Variants in RHPN2 observed in about 807,000 individuals in gnomAD.
The protein encoded by RHPN2 is rhophilin-2.
A neutral mutation model predicts 79.0 loss-of-function variants in RHPN2; 40 were observed. The observed-to-expected ratio is 0.51, with a 90% CI of 0.39 to 0.66. RHPN2 has a LOEUF of 0.66. Among genes scored for constraint, RHPN2 ranks in the 30% least tolerant of loss-of-function variants. The pLI, the probability that RHPN2 is intolerant of heterozygous loss-of-function variation, is 0.00. For synonymous variants in RHPN2, 285 were observed against 363.5 expected, an observed-to-expected ratio of 0.78 and a Z score of 2.46; for missense variants, 686 against 883.5, an observed-to-expected ratio of 0.78 and a Z score of 2.83.
chr19:32,995,528 A>T (rs1407398145), intron 11 of RHPN2, among the ~76,000 whole-genome samples: 1 of 152,096 alleles, frequency 6.6e-6, no homozygotes, highest in Non-Finnish European at 1.5e-5. Flanking sequence ...AAAGGATCCC[A>T]GGGCAGGCTG....
In RHPN2 at chr19:33,003,087, G is replaced by T. The variant is rs529444307; in HGVS notation, c.761-87C>A. 170 of 1,207,316 alleles carry T rather than the reference G, an allele frequency of 1.4e-4. No homozygotes were observed. The African/African-American group carries it at 2.4e-3, about 17-fold the overall frequency. 74.8% of individuals were successfully genotyped at this position (1,207,316 alleles called of 1,614,324 possible). ...TAGAGAAAGATAGGAGGCCGAGTGC[G>T]GTGGCTCATGCCCATAATCCCAACA... On this transcript the variant is annotated intron_variant, in intron 7 of 14. Transcript: ENST00000254260.
intron 14 of RHPN2, among the ~76,000 whole-genome samples, chr19:32,989,486 A>G (rs1293941666): frequency 6.6e-6 from 1 of 152,204 alleles, no homozygotes. Context: ...CTCCCAGGAC[A>G]TGGCTGACAC....
At chr19:33,014,534 G>A (rs1231293840) in intron 4 of RHPN2, among the ~76,000 whole-genome samples, 2 of 152,148 alleles carry the variant, frequency 1.3e-5, no homozygotes, top group East Asian at 2.0e-4. Flanking sequence ...TCGGACTCCT[G>A]GCCTCAGGTG....
intron 1 of RHPN2, among the ~76,000 whole-genome samples, chr19:33,063,194 C>T (rs1294030495): frequency 2.0e-5 from 3 of 152,070 alleles, no homozygotes; most frequent in South Asian, 4.1e-4. Context: ...CTGTCCCAAA[C>T]GCCACACATA....
At chr19:33,063,849 A>G (rs1423595434) in intron 1 of RHPN2, among the ~76,000 whole-genome samples, 1 of 56,432 alleles carries the variant, frequency 1.8e-5, no homozygotes, top group Non-Finnish European at 2.8e-5. Context: ...AGCCCCCGCC[A>G]AGTCTCCCGG....
In RHPN2 at chr19:33,002,315, C is replaced by T. The variant is rs139839345; in HGVS notation, c.1037G>A (p.Cys346Tyr). Residue 346 changes from cysteine to tyrosine, a missense_variant, in exon 9 of 15, where the codon TGC becomes TAC. Coordinates refer to ENST00000254260, the MANE Select transcript of RHPN2 (RefSeq NM_033103.5). ...NIPYSWASLA[C>Y]VKAHHYAALA... is the part of the protein sequence containing the mutation. ...GGCCGCGTAGTGGTGGGCCTTCACG[C>T]AGGCTAAGCTGGCCCAGGAGTAGGG... 97 of 1,613,922 alleles carry T rather than the reference C, an allele frequency of 6.0e-5. No homozygotes were observed. Among genetic ancestry groups the T allele is most frequent in the African/African-American group, 5.7e-4 (43 of 75,060 alleles).
intron 6 of RHPN2, 76 bp downstream of exon 6, chr19:33,011,603 G>A: frequency 1.9e-6 from 3 of 1,597,994 alleles, no homozygotes; most frequent in Middle Eastern, 3.6e-4. Context: ...CCGCAGAGGG[G>A]CGTCTGTGAT....
intron 6 of RHPN2, among the ~76,000 whole-genome samples, chr19:33,008,432 T>TA (rs997653809): frequency 6.6e-6 from 1 of 151,404 alleles, no homozygotes; most frequent in Non-Finnish European, 1.5e-5. Context: ...TTTTTTTTTT[T>TA]AATTTTTGTA....
chr19:32,998,582 GGCTGCACTGA>G (rs1354398149), intron 10 of RHPN2, among the ~76,000 whole-genome samples: 1 of 151,932 alleles, frequency 6.6e-6, no homozygotes, highest in African/African-American at 2.4e-5. Flanking sequence ...AGGAGTTCGA[GGCTGCACTGA>G]GCTGTGATTG....
chr19:32,988,802 G>A (rs796683961), intron 14 of RHPN2, among the ~76,000 whole-genome samples: 10 of 152,210 alleles, frequency 6.6e-5, no homozygotes, highest in African/African-American at 1.9e-4. Context: ...ATAGAGCCTC[G>A]CCCCCTCCCC....
chr19:32,994,097 T>G, intron 11 of RHPN2, 44 bp from the exon 12 acceptor site: 1 of 1,383,266 alleles, frequency 7.2e-7, no homozygotes, highest in Non-Finnish European at 1.0e-6. Context: ...GTTTCTGTAA[T>G]TGAAAGTGAT....
At chr19:33,057,044 C>T (rs1364475424) in intron 1 of RHPN2, among the ~76,000 whole-genome samples, 9 of 149,426 alleles carry the variant, frequency 6.0e-5, no homozygotes, top group African/African-American at 1.7e-4. Flanking sequence ...GGCGTGGACC[C>T]GGGAGGTGGA....
intron 5 of RHPN2, among the ~76,000 whole-genome samples, chr19:33,012,181 A>G (rs1269453347): frequency 2.0e-5 from 3 of 151,750 alleles, no homozygotes; most frequent in East Asian, 3.9e-4. Context: ...AGCTGGGATT[A>G]CAGGCGTGTA....
chr19:33,012,616 C>CGGGG, intron 5 of RHPN2, 31 bp downstream of exon 5: 1 of 1,429,130 alleles, frequency 7.0e-7, no homozygotes, highest in Non-Finnish European at 9.9e-7. Context: ...GAAAAGCCAC[C>CGGGG]CTCCCCTCTC....
intron 4 of RHPN2, among the ~76,000 whole-genome samples, chr19:33,019,031 C>CA (rs71301619): frequency 0.12 from 12,918 of 104,940 alleles, 824 homozygotes; most frequent in South Asian, 0.2. Flanking sequence ...AACTCCAGCT[C>CA]AAAAAAAAAA....
chr19:33,009,822 AG>A (rs1429016394), intron 6 of RHPN2, among the ~76,000 whole-genome samples: 1 of 151,590 alleles, frequency 6.6e-6, no homozygotes, highest in East Asian at 1.9e-4. Flanking sequence ...TCTTTCGCCC[AG>A]GCTAGACTGC....
chr19:32,999,486 C>G (rs893263997), intron 10 of RHPN2, 100 bp downstream of exon 10: 2 of 1,466,964 alleles, frequency 1.4e-6, no homozygotes, highest in Admixed American at 1.9e-5. Context: ...GAACACCCCC[C>G]TCTCCCGGGC....
chr19:33,011,050 G>T (rs1034059199), intron 6 of RHPN2, among the ~76,000 whole-genome samples: 1 of 152,096 alleles, frequency 6.6e-6, no homozygotes, highest in East Asian at 1.9e-4. Context: ...CCACCCTGAC[G>T]TGCCTGATCT....
In RHPN2 at chr19:32,999,573, G is replaced by T; in HGVS notation, c.1225+13C>A. On this transcript the variant is annotated intron_variant, in intron 10 of 14. Transcript: ENST00000254260. The stretch of plus-strand genomic sequence containing the variant: ...CAAGTGGGGCCCACATCTGGGTGCA[G>T]GGGGACACGCACCCAGCTGTCGGCG... 3.1e-6 allele frequency: 5 copies of T among 1,608,222 alleles called. No individual in the cohort carries two copies. The highest frequency in any genetic ancestry group is 4.2e-6 in the Non-Finnish European group (5 of 1,176,578).
Sources: gnomAD v4.1 joint callset for allele counts (sites outside exome capture counted in the v4.1 genomes callset) on GRCh38, gnomAD v4.1.1 for gene constraint, MANE v1.5 for transcripts, NCBI Gene and HGNC (gene_info 2026-07-23, HGNC 2026-07-21) for gene names.